SPOCK3: variants seen among roughly 807,000 people sequenced by gnomAD.
The protein encoded by SPOCK3 is testican-3.
In SPOCK3, 30 loss-of-function variants were observed where a neutral mutation model predicts 56.6. That is an observed-to-expected ratio of 0.53 (90% CI 0.40 to 0.72). The LOEUF is 0.72. Ranked by LOEUF, SPOCK3 falls within the 30% of genes least tolerant of loss-of-function variation. SPOCK3 has a pLI of 0.00. For synonymous variants in SPOCK3, 196 were observed against 183.3 expected, an observed-to-expected ratio of 1.07 and a Z score of -0.56; for missense variants, 527 against 530.0, an observed-to-expected ratio of 0.99 and a Z score of 0.06.
chr4:167,138,632 T>C (rs1402433957), intron 2 of SPOCK3, among the ~76,000 whole-genome samples: 2 of 151,846 alleles, frequency 1.3e-5, no homozygotes, highest in Admixed American at 6.6e-5. Flanking sequence ...TAAGCCCATA[T>C]CAAGAATGCA....
At chr4:166,807,722 G>A (rs1743330251) in intron 6 of SPOCK3, among the ~76,000 whole-genome samples, 1 of 152,044 alleles carries the variant, frequency 6.6e-6, no homozygotes, top group Non-Finnish European at 1.5e-5. Flanking sequence ...ACGATCATCT[G>A]TTTCAACTCT....
chr4:166,780,554 C>T (rs1740050356), intron 7 of SPOCK3, among the ~76,000 whole-genome samples: 1 of 151,992 alleles, frequency 6.6e-6, no homozygotes, highest in African/African-American at 2.4e-5. Context: ...GGGGTAAGCC[C>T]AATATCCTGT....
chr4:167,128,821 T>C (rs779233391), intron 2 of SPOCK3, among the ~76,000 whole-genome samples: 1 of 152,198 alleles, frequency 6.6e-6, no homozygotes, highest in Non-Finnish European at 1.5e-5. Context: ...TTGTCTCTTC[T>C]GTTAGGTTTA....
At chr4:167,137,882 T>C (rs1298663372) in intron 2 of SPOCK3, among the ~76,000 whole-genome samples, 1 of 151,874 alleles carries the variant, frequency 6.6e-6, no homozygotes, top group Non-Finnish European at 1.5e-5. Flanking sequence ...TCAACTGTTC[T>C]AACATGACTC....
At chr4:166,947,018 C>T in intron 4 of SPOCK3, among the ~76,000 whole-genome samples, 1 of 152,066 alleles carries the variant, frequency 6.6e-6, no homozygotes, top group East Asian at 1.9e-4. Context: ...AAAATGTATC[C>T]TAAAATACCA....
At chr4:167,174,197 T>A (rs1239176186) in intron 2 of SPOCK3, among the ~76,000 whole-genome samples, 3 of 152,100 alleles carry the variant, frequency 2.0e-5, no homozygotes. Context: ...GATATTATAT[T>A]AGTGTATGAT....
At chr4:167,098,901 T>C (rs370431139) in intron 2 of SPOCK3, among the ~76,000 whole-genome samples, 1 of 152,074 alleles carries the variant, frequency 6.6e-6, no homozygotes, top group Non-Finnish European at 1.5e-5. Flanking sequence ...GCCTGTAACA[T>C]TTTATCTATC....
rs1758999054 is a variant in SPOCK3 at position 167,094,710 on chromosome 4, T to C, written c.190-32173A>G. Among the ~76,000 whole-genome samples the C allele has an allele frequency of 2.0e-5, 3 of 152,108 alleles. No homozygotes were observed. The South Asian group carries it at 6.2e-4, about 31-fold the overall frequency. On this transcript the variant is annotated intron_variant, in intron 2 of 10. Transcript: ENST00000357545. ...GAAACTAGACACTTTCCTTTTAAGATCAGAAACAAAGTAAATTATGTCTTC... is the reference window on the plus strand; with the variant it reads ...GAAACTAGACACTTTCCTTTTAAGACCAGAAACAAAGTAAATTATGTCTTC...
chr4:166,970,730 A>G (rs1197801079), intron 4 of SPOCK3, among the ~76,000 whole-genome samples: 1 of 125,502 alleles, frequency 8.0e-6, no homozygotes, highest in East Asian at 2.0e-4. Flanking sequence ...GTCAAAAAAG[A>G]AAAAGAAAAA....
intron 2 of SPOCK3, among the ~76,000 whole-genome samples, chr4:167,210,476 A>C (rs1165422365): frequency 6.6e-6 from 1 of 152,128 alleles, no homozygotes; most frequent in Non-Finnish European, 1.5e-5. Context: ...AGTGGGCTAA[A>C]AGTGGCACAC....
At chr4:167,141,345 T>C (rs1763513441) in intron 2 of SPOCK3, among the ~76,000 whole-genome samples, 1 of 152,034 alleles carries the variant, frequency 6.6e-6, no homozygotes, top group Admixed American at 6.6e-5. Flanking sequence ...AGGCTTTAAA[T>C]AGAGCAACTG....
chr4:166,833,270 G>T (rs956584707), intron 6 of SPOCK3, among the ~76,000 whole-genome samples: 1 of 152,080 alleles, frequency 6.6e-6, no homozygotes, highest in African/African-American at 2.4e-5. Flanking sequence ...CCAGATATGG[G>T]TTACTAGGTG....
rs1436251867 is a variant in SPOCK3, at chr4:166,853,324, C to CT, written c.589+35805dup. On this transcript the variant is annotated intron_variant, in intron 6 of 10. Transcript: ENST00000357545. Reference sequence around the variant, plus strand: ...TTTATTGTAAGAATAAGTATGAAGACTTTTTTCTAAATGGTTTACATCAAT... The same window carrying CT: ...TTTATTGTAAGAATAAGTATGAAGACTTTTTTTCTAAATGGTTTACATCAAT... Among the ~76,000 whole-genome samples the CT allele has an allele frequency of 2.0e-5, 3 of 152,136 alleles. No individual in the cohort carries two copies. In the East Asian group the frequency reaches 5.8e-4, roughly 29 times the overall value.
chr4:167,101,426 C>A (rs1177611927), intron 2 of SPOCK3, among the ~76,000 whole-genome samples: 4 of 152,060 alleles, frequency 2.6e-5, no homozygotes, highest in Non-Finnish European at 4.4e-5. Context: ...ATTTCATTAT[C>A]CACACTGATG....
chr4:167,132,249 T>G (rs903174479), intron 2 of SPOCK3, among the ~76,000 whole-genome samples: 4 of 152,218 alleles, frequency 2.6e-5, no homozygotes, highest in African/African-American at 9.6e-5. Flanking sequence ...AAATCATCAA[T>G]AGCAGAACTA....
At chr4:167,018,781 T>C (rs1299869678) in intron 3 of SPOCK3, among the ~76,000 whole-genome samples, 1 of 152,042 alleles carries the variant, frequency 6.6e-6, no homozygotes, top group Non-Finnish European at 1.5e-5. Flanking sequence ...AATAGCTTCA[T>C]GTTGGCTTCT....
At chr4:167,100,364 C>T (rs2150323638) in intron 2 of SPOCK3, among the ~76,000 whole-genome samples, 1 of 151,940 alleles carries the variant, frequency 6.6e-6, no homozygotes, top group East Asian at 1.9e-4. Flanking sequence ...CAAAAACATC[C>T]TGAAGGTATC....
rs185086538 is a variant in SPOCK3 at position 166,815,172 on chromosome 4, A to G, written c.590-22883T>C. ...CTTCATGATAATTTTTTTCTTTTTC[A>G]AAACTAAGATCTAACTGATGTACAG... On this transcript the variant is annotated intron_variant, in intron 6 of 10. Coordinates refer to ENST00000357545, the MANE Select transcript of SPOCK3 (RefSeq NM_001040159.2). Among the ~76,000 whole-genome samples the G allele has an allele frequency of 3.5e-4, 54 of 152,132 alleles. 1 individual carries two copies. The highest frequency in any genetic ancestry group is 6.8e-3 in the Middle Eastern group (2 of 294).
chr4:167,154,018 GCT>G (rs1489624003), intron 2 of SPOCK3, among the ~76,000 whole-genome samples: 1 of 151,996 alleles, frequency 6.6e-6, no homozygotes, highest in African/African-American at 2.4e-5. Context: ...ACTAGTTTTT[GCT>G]CTCTCTGTTA....
Sources: gnomAD v4.1 joint callset for allele counts (sites outside exome capture counted in the v4.1 genomes callset) on GRCh38, gnomAD v4.1.1 for gene constraint, MANE v1.5 for transcripts, NCBI Gene and HGNC (gene_info 2026-07-23, HGNC 2026-07-21) for gene names.